Variants in MOXD1 observed in about 807,000 individuals in gnomAD.
MOXD1 encodes DBH-like monooxygenase protein 1.
MOXD1 carries 62 observed loss-of-function variants against 66.6 expected under a neutral mutation model. That is an observed-to-expected ratio of 0.93 (90% CI 0.76 to 1.15). The LOEUF (loss-of-function observed/expected upper bound fraction) is 1.15, where lower values mean the gene tolerates loss of function less well. Ranked by LOEUF, MOXD1 falls within the 50% of genes most tolerant of loss-of-function variation. The probability of loss-of-function intolerance (pLI) is 0.00; values close to 1 mark genes in which losing one functional copy is unlikely to be tolerated. For missense variants in MOXD1, 847 were observed against 754.6 expected, an observed-to-expected ratio of 1.12 and a Z score of -1.44; for synonymous variants, 303 against 281.9, an observed-to-expected ratio of 1.07 and a Z score of -0.75.
At chr6:132,398,116 T>A (rs1776937854) in intron 1 of MOXD1, among the ~76,000 whole-genome samples, 1 of 152,192 alleles carries the variant, frequency 6.6e-6, no homozygotes, top group African/African-American at 2.4e-5. Flanking sequence ...TACACATTAT[T>A]TATCTCCCAC....
chr6:132,297,809 T>C lies in MOXD1; in HGVS notation c.1655A>G (p.Lys552Arg). Residue 552 changes from lysine (K) to arginine (R), a missense_variant, in exon 11 of 12, where the codon AAG (lysine) becomes AGG (arginine). Transcript: ENST00000367963. ...LSLPVNVRCS[K>R]TDNAEWSIQG... ...TACCGACCACTCAGCATTGTCTGTCTTGGAACATCTCACATTCACTGGCAG... is the reference window on the plus strand; with the variant it reads ...TACCGACCACTCAGCATTGTCTGTCCTGGAACATCTCACATTCACTGGCAG... 1.9e-6 allele frequency: 3 copies of C among 1,611,352 alleles called. No homozygotes were observed. The highest frequency in any genetic ancestry group is 1.3e-5 in the African/African-American group (1 of 74,846).
intron 4 of MOXD1, among the ~76,000 whole-genome samples, chr6:132,358,408 C>T (rs1775949331): frequency 6.6e-6 from 1 of 152,128 alleles, no homozygotes; most frequent in Non-Finnish European, 1.5e-5. Flanking sequence ...CGCTCCATGA[C>T]ATTAGAGATG....
chr6:132,345,760 G>C (rs1775656612), intron 4 of MOXD1, among the ~76,000 whole-genome samples: 1 of 151,920 alleles, frequency 6.6e-6, no homozygotes, highest in Non-Finnish European at 1.5e-5. Flanking sequence ...GTTTTCTTCT[G>C]TAAACCCAAT....
intron 4 of MOXD1, among the ~76,000 whole-genome samples, chr6:132,353,725 G>A (rs1775851863): frequency 6.6e-6 from 1 of 152,086 alleles, no homozygotes; most frequent in African/African-American, 2.4e-5. Flanking sequence ...CTAGGCCAAG[G>A]AAATTTTCCT....
intron 4 of MOXD1, among the ~76,000 whole-genome samples, chr6:132,338,277 A>G (rs918232623): frequency 2.6e-5 from 4 of 152,210 alleles, no homozygotes; most frequent in Non-Finnish European, 5.9e-5. Context: ...CGGATGGGAC[A>G]GCATCAGTGC....
At chr6:132,401,003 G>A (rs1777011206) in intron 1 of MOXD1, among the ~76,000 whole-genome samples, 160 bp downstream of exon 1, 1 of 152,228 alleles carries the variant, frequency 6.6e-6, no homozygotes, top group South Asian at 2.1e-4. Flanking sequence ...GGGAGAGCAG[G>A]CGCTGCCCGC....
rs772635314 is a variant in MOXD1, at chr6:132,372,930, T to C, written c.479A>G (p.His160Arg). The change falls in exon 3 of 12, where the codon CAT becomes CGT. Residue 160 changes from histidine (H) to arginine (R), a missense_variant. By Grantham distance (29) the His-to-Arg change is conservative (BLOSUM62 0). Coordinates refer to ENST00000367963, the MANE Select transcript of MOXD1 (RefSeq NM_015529.4). ...EDAGEAGPKY[H>R]DSNRGTKSLR... The stretch of plus-strand genomic sequence containing the variant: ...ACTCTTGGTGCCCCTATTGGAGTCA[T>C]GGTACTTGGGACCAGCTTCTCCTGC... 14 of 1,613,932 alleles carry C rather than the reference T, an allele frequency of 8.7e-6. No homozygotes were observed. Among genetic ancestry groups the C allele is most frequent in the Non-Finnish European group, 1.0e-5 (12 of 1,179,932 alleles).
At chr6:132,398,202 C>T (rs1034213327) in intron 1 of MOXD1, among the ~76,000 whole-genome samples, 1 of 152,134 alleles carries the variant, frequency 6.6e-6, no homozygotes, top group African/African-American at 2.4e-5. Context: ...TCCAGTCACT[C>T]TTAGATTTAT....
intron 4 of MOXD1, among the ~76,000 whole-genome samples, chr6:132,357,871 G>C (rs1775939358): frequency 6.6e-6 from 1 of 152,042 alleles, no homozygotes; most frequent in Non-Finnish European, 1.5e-5. Context: ...TTAATTAACT[G>C]GATGAGAAAG....
intron 4 of MOXD1, among the ~76,000 whole-genome samples, chr6:132,351,456 T>C (rs757819152): frequency 6.6e-6 from 1 of 152,226 alleles, no homozygotes; most frequent in Non-Finnish European, 1.5e-5. Context: ...CTGACTTGCC[T>C]ATGCTTAACC....
At chr6:132,298,002 C>T (rs750503917) in intron 10 of MOXD1, 47 bp from the exon 11 acceptor site, 4 of 1,506,424 alleles carry the variant, frequency 2.7e-6, no homozygotes, top group Non-Finnish European at 1.8e-6. Flanking sequence ...AAATGCATTA[C>T]ATGTTTCCTT....
At chr6:132,360,073 A>G (rs1409743341) in intron 4 of MOXD1, among the ~76,000 whole-genome samples, 2 of 152,238 alleles carry the variant, frequency 1.3e-5, no homozygotes, top group African/African-American at 4.8e-5. Flanking sequence ...TGTTGGTTGT[A>G]TCAAGTATTC....
At chr6:132,365,699 T>C (rs571229194) in intron 4 of MOXD1, among the ~76,000 whole-genome samples, 5 of 152,344 alleles carry the variant, frequency 3.3e-5, no homozygotes, top group African/African-American at 1.2e-4. Context: ...AACACCCATG[T>C]AGCTAGACGA....
intron 1 of MOXD1, among the ~76,000 whole-genome samples, chr6:132,384,246 C>CTTCCTTCCTTCT (rs1776572240): frequency 6.0e-4 from 2 of 3,334 alleles, no homozygotes; most frequent in African/African-American, 1.6e-3. Context: ...CCCTCTCTTC[C>CTTCCTTCCTTCT]TTCCTTCCTT....
rs1483816661 is a variant in MOXD1, at chr6:132,372,978, A to G, written c.431T>C (p.Ile144Thr). 1.2e-6 allele frequency: 2 copies of G among 1,613,594 alleles called. No homozygotes were observed. Among genetic ancestry groups the G allele is most frequent in the Non-Finnish European group, 1.7e-6 (2 of 1,179,774 alleles). Residue 144 changes from isoleucine (I) to threonine (T), a missense_variant, in exon 3 of 12, where the codon ATC (isoleucine) becomes ACC (threonine). By Grantham distance (89) the Ile-to-Thr change is moderately conservative. Coordinates refer to ENST00000367963, the MANE Select transcript of MOXD1 (RefSeq NM_015529.4). ...TGCATCTTCATGGTGGTAGGCCCAGATCACTCTCACAGTGCTATCCTGGGG... is the reference window on the plus strand; with the variant it reads ...TGCATCTTCATGGTGGTAGGCCCAGGTCACTCTCACAGTGCTATCCTGGGG... Reference protein sequence around the residue: ...KSITDSTVRVIWAYHHEDAGE... With the variant: ...KSITDSTVRVTWAYHHEDAGE...
chr6:132,368,729 C>T (rs1000947803), intron 4 of MOXD1, among the ~76,000 whole-genome samples: 6 of 151,882 alleles, frequency 4.0e-5, no homozygotes, highest in African/African-American at 1.5e-4. Context: ...TATCAAACTA[C>T]TGATATATTT....
At chr6:132,338,304 C>A (rs1269016657) in intron 4 of MOXD1, among the ~76,000 whole-genome samples, 2 of 152,302 alleles carry the variant, frequency 1.3e-5, no homozygotes, top group East Asian at 3.9e-4. Context: ...AAGAACACTT[C>A]AGATCCCTGG....
At chr6:132,332,135 A>G (rs1775332971) in intron 4 of MOXD1, among the ~76,000 whole-genome samples, 1 of 152,176 alleles carries the variant, frequency 6.6e-6, no homozygotes, top group Non-Finnish European at 1.5e-5. Flanking sequence ...CCTTCTTACA[A>G]AGGGCAAATA....
In MOXD1 at chr6:132,363,576, A is replaced by G. The variant is rs17061203; in HGVS notation, c.663+9032T>C. On this transcript the variant is annotated intron_variant, in intron 4 of 11. Transcript: ENST00000367963. ...AGCAAAATTGTATGGAAAAAGCCCC[A>G]TTAGTATTGCTCAGAAGATCTGCAT... Among the ~76,000 whole-genome samples the G allele has an allele frequency of 2.8e-3, 434 of 152,282 alleles. 3 individuals are homozygous for G. The highest frequency in any genetic ancestry group is 9.9e-3 in the African/African-American group (412 of 41,572).
Sources: allele counts gnomAD v4.1 joint callset (sites outside exome capture counted in the v4.1 genomes callset), GRCh38; gene constraint gnomAD v4.1.1; transcripts MANE v1.5; gene names NCBI Gene and HGNC (gene_info 2026-07-23, HGNC 2026-07-21).